PRDM2: variants seen among roughly 807,000 people sequenced by gnomAD.
PRDM2 encodes the protein PR domain zinc finger protein 2.
A neutral mutation model predicts 130.0 loss-of-function variants in PRDM2; 30 were observed. The observed-to-expected ratio is 0.23, with a 90% CI of 0.17 to 0.31. The LOEUF (loss-of-function observed/expected upper bound fraction) is 0.31. Ranked by LOEUF, PRDM2 falls within the 10% of genes least tolerant of loss-of-function variation. The pLI, the probability that PRDM2 is intolerant of heterozygous loss-of-function variation, is 1.00. For missense variants in PRDM2, 2,011 were observed against 2,108.4 expected, an observed-to-expected ratio of 0.95 and a Z score of 0.90; for synonymous variants, 871 against 782.4, an observed-to-expected ratio of 1.11 and a Z score of -1.89.
chr1:13,739,061 T>G (rs1485571374), intron 4 of PRDM2: 1 of 152,046 alleles, frequency 6.6e-6, no homozygotes, highest in Non-Finnish European at 1.5e-5. Context: ...CCTTTTTTTT[T>G]TCTGAGACAG....
chr1:13,757,823 A>C (rs1643996163), intron 6 of PRDM2, among the ~76,000 whole-genome samples: 1 of 144,994 alleles, frequency 6.9e-6, no homozygotes, highest in African/African-American at 2.6e-5. Flanking sequence ...AGAGGAATGC[A>C]CATGAACTAT....
intron 8 of PRDM2, among the ~76,000 whole-genome samples, chr1:13,793,822 AAAG>A (rs1472595529): frequency 1.3e-5 from 2 of 151,954 alleles, no homozygotes; most frequent in Admixed American, 1.3e-4. Context: ...AGCTAAAACA[AAAG>A]AAAGATATCG....
intron 8 of PRDM2, among the ~76,000 whole-genome samples, chr1:13,791,858 T>C (rs957765902): frequency 6.6e-6 from 1 of 152,238 alleles, no homozygotes; most frequent in African/African-American, 2.4e-5. Flanking sequence ...GCCTTCCTTA[T>C]GTCAGCTGGA....
At chr1:13,793,176 G>C (rs1557663576) in intron 8 of PRDM2, among the ~76,000 whole-genome samples, 1 of 152,220 alleles carries the variant, frequency 6.6e-6, no homozygotes, top group Non-Finnish European at 1.5e-5. Flanking sequence ...TTACTGAGTG[G>C]CAGGGCATGC....
chr1:13,811,751 C>T (rs1040887659), intron 8 of PRDM2, among the ~76,000 whole-genome samples: 9 of 152,192 alleles, frequency 5.9e-5, no homozygotes, highest in African/African-American at 2.2e-4. Context: ...CCCAGAAAGT[C>T]ACAGAAAGAC....
At chr1:13,791,305 T>C (rs891346654) in intron 8 of PRDM2, among the ~76,000 whole-genome samples, 1 of 152,162 alleles carries the variant, frequency 6.6e-6, no homozygotes, top group African/African-American at 2.4e-5. Flanking sequence ...AGTTTCCCTC[T>C]CACTGTGGAA....
intron 6 of PRDM2, among the ~76,000 whole-genome samples, chr1:13,753,661 A>C (rs1457070520): frequency 1.3e-5 from 2 of 152,234 alleles, no homozygotes; most frequent in Non-Finnish European, 2.9e-5. Context: ...CGGATGGTAT[A>C]GGCAGTAAGG....
intron 8 of PRDM2, among the ~76,000 whole-genome samples, chr1:13,808,246 C>G (rs1645115339): frequency 6.6e-6 from 1 of 152,200 alleles, no homozygotes; most frequent in Non-Finnish European, 1.5e-5. Context: ...AATCCCCACA[C>G]TTTGGGAGGC....
intron 8 of PRDM2, among the ~76,000 whole-genome samples, chr1:13,799,971 T>C (rs371808396): frequency 6.6e-6 from 1 of 152,250 alleles, no homozygotes; most frequent in Non-Finnish European, 1.5e-5. Context: ...ATAAGTGTCT[T>C]AGTTTCTCTC....
rs756819688 is a variant in PRDM2 at position 13,771,298 on chromosome 1, C to T, written c.512-1780C>T. Reference sequence around the variant, plus strand: ...TCTTGTTATCACCAGAGTGTGGTCCCGGTGAAGTGTGTGCTCGTTTTTTGA... The same window carrying T: ...TCTTGTTATCACCAGAGTGTGGTCCTGGTGAAGTGTGTGCTCGTTTTTTGA... On this transcript the variant is annotated intron_variant, in intron 6 of 9. Coordinates refer to ENST00000311066, the MANE Select transcript of PRDM2 (RefSeq NM_001393986.1). The surrounding 1 kb of genome is among the most constrained non-coding windows in gnomAD (Gnocchi z 4.1). Among the ~76,000 whole-genome samples the T allele has an allele frequency of 4.9e-4, 74 of 152,240 alleles. 1 individual carries two copies. The highest frequency in any genetic ancestry group is 8.4e-4 in the African/African-American group (35 of 41,528).
rs776232950 is a variant in PRDM2 at position 13,737,621 on chromosome 1, TG to T, written c.232-4382del. ...GAATGAAGTAATTAAAGGTGTGGGATGGCTGTAGAATTGGTTGTCATAGAAA... is the reference window on the plus strand; with the variant it reads ...GAATGAAGTAATTAAAGGTGTGGGATGCTGTAGAATTGGTTGTCATAGAAA... On this transcript the variant is annotated intron_variant, in intron 4 of 9. Transcript: ENST00000311066. Among the ~76,000 whole-genome samples, 8 of 152,344 alleles carry T rather than the reference TG, an allele frequency of 5.3e-5. No homozygotes were observed. The East Asian group carries it at 5.8e-4, about 11-fold the overall frequency.
chr1:13,806,667 A>G lies in PRDM2; in HGVS notation c.5037-9760A>G, dbSNP rs1419923719. ...CCTCAGCTGACCTGAGGTCCAGGCC[A>G]CCATCATCTCCCTGGATGGTGGCAG... On this transcript the variant is annotated intron_variant, in intron 8 of 9. Coordinates refer to ENST00000311066, the MANE Select transcript of PRDM2 (RefSeq NM_001393986.1). This position sits in a 1 kb window ranked among gnomAD's most constrained non-coding sequence, Gnocchi z 4.1. 1.3e-5 allele frequency among the ~76,000 whole-genome samples: 2 copies of G among 152,206 alleles called. No individual in the cohort carries two copies. Among genetic ancestry groups the G allele is most frequent in the African/African-American group, 2.4e-5 (1 of 41,534 alleles).
intron 8 of PRDM2, among the ~76,000 whole-genome samples, chr1:13,809,441 C>T (rs910055074): frequency 1.3e-5 from 2 of 152,114 alleles, no homozygotes; most frequent in Admixed American, 1.3e-4. Context: ...ACGGAGGGAC[C>T]GTGTTGAGTC....
At chr1:13,788,886 T>G (rs976496182) in intron 8 of PRDM2, among the ~76,000 whole-genome samples, 2 of 152,226 alleles carry the variant, frequency 1.3e-5, no homozygotes, top group Non-Finnish European at 1.5e-5. Context: ...CTTCTGTGTT[T>G]TAGCCTTGGG....
At chr1:13,726,516 T>C (rs1009653043) in intron 2 of PRDM2, among the ~76,000 whole-genome samples, 2 of 152,152 alleles carry the variant, frequency 1.3e-5, no homozygotes, top group African/African-American at 4.8e-5. Context: ...TCAGGGAGTA[T>C]GTGTTAATGA....
chr1:13,823,270 C>A lies in PRDM2; in HGVS notation c.*135C>A. ...CTGCGAGAGAAAGGGAGTGCATGTG[C>A]GCGCGTGCATGTGTGCGTGCGTGTG... On this transcript the variant is annotated 3_prime_UTR_variant, in exon 10 of 10. Transcript: ENST00000311066. The A allele has an allele frequency of 1.4e-6, 2 of 1,456,912 alleles. No individual in the cohort carries two copies. The highest frequency in any genetic ancestry group is 1.9e-6 in the Non-Finnish European group (2 of 1,044,646). The allele number at this position is 1,456,912 out of a possible 1,614,324, so 90.2% of individuals were successfully genotyped here. A position where few individuals can be genotyped will look rare whatever the true frequency, so the allele number is the denominator to read the frequency against.
At chr1:13,810,130 G>A (rs1180532201) in intron 8 of PRDM2, among the ~76,000 whole-genome samples, 1 of 145,560 alleles carries the variant, frequency 6.9e-6, no homozygotes, top group African/African-American at 2.6e-5. Context: ...ATATGAATGG[G>A]GTGCAGGGGA....
rs931124501 is a variant in PRDM2, at chr1:13,771,126, TGTTAA to T, written c.512-1948_512-1944del. On this transcript the variant is annotated intron_variant, in intron 6 of 9. Coordinates refer to ENST00000311066, the MANE Select transcript of PRDM2 (RefSeq NM_001393986.1). The surrounding 1 kb of genome is among the most constrained non-coding windows in gnomAD (Gnocchi z 4.1). ...TCATTATCTGATTTAGACAAAATGC[TGTTAA>T]GTTGACAAAGGGAGAAAGAGTCACA... is the stretch of plus-strand genomic sequence containing the variant. Among the ~76,000 whole-genome samples, 11 of 152,218 alleles carry T rather than the reference TGTTAA, an allele frequency of 7.2e-5. No homozygotes were observed. Among genetic ancestry groups the T allele is most frequent in the African/African-American group, 2.7e-4 (11 of 41,454 alleles).
intron 2 of PRDM2, chr1:13,717,571 C>A: frequency 2.3e-6 from 1 of 434,200 alleles, no homozygotes; most frequent in Non-Finnish European, 3.1e-6. Flanking sequence ...TGTAATATTT[C>A]TAGTGAATTA....
Sources: allele counts gnomAD v4.1 joint callset (sites outside exome capture counted in the v4.1 genomes callset), GRCh38; gene constraint gnomAD v4.1.1; non-coding constraint Gnocchi (gnomAD v3.1); transcripts MANE v1.5; gene names NCBI Gene and HGNC (gene_info 2026-07-23, HGNC 2026-07-21).